NPIPB2: variants seen among roughly 807,000 people sequenced by gnomAD.
The protein encoded by NPIPB2 is nuclear pore complex-interacting protein family member B2.
NPIPB2 carries 27 observed loss-of-function variants against 30.8 expected under a neutral mutation model. The observed-to-expected ratio is 0.88, with a 90% confidence interval of 0.65 to 1.21. The LOEUF is 1.21. NPIPB2 is among the 50% of genes most tolerant of loss of function. NPIPB2 has a pLI of 0.00. For synonymous variants in NPIPB2, 147 were observed against 162.0 expected (o/e 0.91, Z 0.70); for missense variants, 440 against 446.2 (o/e 0.99, Z 0.13).
intron 1 of NPIPB2, among the ~76,000 whole-genome samples, chr16:11,972,701 C>T (rs772187554): frequency 1.3e-5 from 2 of 151,094 alleles, no homozygotes; most frequent in Non-Finnish European, 2.9e-5. Flanking sequence ...GGTGAAACCC[C>T]GTCTCTACTA....
chr16:11,974,796 GGGCGCGGTGGCTCACGCCTGTAATCC>G (rs1567482512), intron 1 of NPIPB2, among the ~76,000 whole-genome samples: 1 of 152,110 alleles, frequency 6.6e-6, no homozygotes, highest in Non-Finnish European at 1.5e-5. Flanking sequence ...ACAATGTGCA[GGGCGCGGTGGCTCACGCCTGTAATCC>G]CAGCATTTTG....
At chr16:11,936,581 CCCAGACAA>C (rs1328968907) in intron 2 of NPIPB2, among the ~76,000 whole-genome samples, 11 of 146,612 alleles carry the variant, frequency 7.5e-5, no homozygotes, top group Non-Finnish European at 1.5e-5. Context: ...AGGTTCAGCC[CCCAGACAA>C]CCACATTTTT....
At chr16:11,959,461 A>C (rs74925690) in intron 1 of NPIPB2, among the ~76,000 whole-genome samples, 5,295 of 152,056 alleles carry the variant, frequency 0.035, 125 homozygotes, top group South Asian at 0.075. Context: ...ATGGTGGCGT[A>C]CTATCGTAGT....
At chr16:11,943,242 C>T (rs1410216871), upstream of NPIPB2, among the ~76,000 whole-genome samples, 1 of 152,040 alleles carries the variant, frequency 6.6e-6, no homozygotes, top group Non-Finnish European at 1.5e-5. Context: ...TAGTTTGAAC[C>T]CGGGAGGCAG....
chr16:11,955,914 C>A (rs751322419), intron 1 of NPIPB2, among the ~76,000 whole-genome samples: 57 of 151,476 alleles, frequency 3.8e-4, no homozygotes, highest in Non-Finnish European at 6.0e-4. Flanking sequence ...CAGGAAAAAA[C>A]CGGTCACCCA....
At chr16:11,964,471 T>C (rs2055177951) in intron 1 of NPIPB2, among the ~76,000 whole-genome samples, 1 of 151,986 alleles carries the variant, frequency 6.6e-6, no homozygotes, top group Non-Finnish European at 1.5e-5. Flanking sequence ...TGGAGCGCAG[T>C]GGCCTGATCT....
chr16:11,943,598 A>T (rs2054968229), upstream of NPIPB2, among the ~76,000 whole-genome samples: 1 of 151,816 alleles, frequency 6.6e-6, no homozygotes, highest in Admixed American at 6.6e-5. Context: ...GCTACTCAGA[A>T]GGCTGAGGCA....
intron 4 of NPIPB2, among the ~76,000 whole-genome samples, chr16:11,933,222 A>G (rs1010435116): frequency 6.6e-6 from 1 of 151,862 alleles, no homozygotes; most frequent in African/African-American, 2.4e-5. Context: ...ATTGCACTAC[A>G]GCCTGGGCAA....
intron 1 of NPIPB2, among the ~76,000 whole-genome samples, chr16:11,960,479 C>G (rs1228717068): frequency 1.3e-5 from 2 of 151,206 alleles, no homozygotes; most frequent in East Asian, 3.9e-4. Flanking sequence ...GCCTCAGGCT[C>G]CCACGTAGCT....
chr16:11,946,156 C>T (rs1324410601), upstream of NPIPB2, among the ~76,000 whole-genome samples: 2 of 151,904 alleles, frequency 1.3e-5, no homozygotes, highest in Non-Finnish European at 2.9e-5. Flanking sequence ...GAGGCCAGAG[C>T]GGGCAGATCG....
chr16:11,968,560 T>C (rs2055214785), intron 1 of NPIPB2: 1 of 152,230 alleles, frequency 6.6e-6, no homozygotes, highest in Non-Finnish European at 1.5e-5. Context: ...TATGTGGTCC[T>C]TAAAAATTGT....
At chr16:11,943,223 G>A (rs1009518167), upstream of NPIPB2, among the ~76,000 whole-genome samples, 1 of 152,200 alleles carries the variant, frequency 6.6e-6, no homozygotes, top group Non-Finnish European at 1.5e-5. Context: ...GGAGGCTGAG[G>A]CAGGAGAATA....
chr16:11,952,196 A>G (rs1482360670), intron 1 of NPIPB2, among the ~76,000 whole-genome samples: 6 of 150,424 alleles, frequency 4.0e-5, no homozygotes, highest in African/African-American at 4.9e-5. Flanking sequence ...ACAAAGAAAA[A>G]AATTAGCTGG....
chr16:11,934,553 CAAAAAAAA>C (rs1184843851), intron 2 of NPIPB2, among the ~76,000 whole-genome samples: 2 of 73,020 alleles, frequency 2.7e-5, no homozygotes, highest in Admixed American at 1.7e-4. Flanking sequence ...AACTCTGTCT[CAAAAAAAA>C]AAAAAAAAAA....
At chr16:11,958,392 C>T (rs1298986312) in intron 1 of NPIPB2, among the ~76,000 whole-genome samples, 2 of 150,312 alleles carry the variant, frequency 1.3e-5, no homozygotes, top group Admixed American at 6.7e-5. Context: ...CACGCCACTA[C>T]AGTCCAGCCT....
intron 4 of NPIPB2, among the ~76,000 whole-genome samples, chr16:11,931,258 GGT>G (rs1175477059): frequency 7.7e-6 from 1 of 130,714 alleles, no homozygotes; most frequent in Non-Finnish European, 1.6e-5. Context: ...CATCCACCCT[GGT>G]GTTGACTGAC....
Position 11,967,029 on chromosome 16 carries a change from C to G in NPIPB2, c.-584+9539G>C, listed in dbSNP as rs754323127. 2.2e-4 allele frequency: 43 copies of G among 199,772 alleles called. 1 individual carries two copies. The highest frequency in any genetic ancestry group is 6.1e-5 in the Non-Finnish European group (6 of 97,704). 12.4% of individuals were successfully genotyped at this position (199,772 alleles called of 1,614,324 possible). A position where few individuals can be genotyped will look rare whatever the true frequency, so the allele number is the denominator to read the frequency against. On this transcript the variant is annotated intron_variant, in intron 1 of 5. Coordinates refer to the NPIPB2 transcript ENST00000538896. ...TTATTTATTTATTTAGAGATGGAGT[C>G]TCGCTCTGTGGCCCAGGCTGGAGTG...
At chr16:11,931,110 AC>A (rs1184398135) in intron 4 of NPIPB2, among the ~76,000 whole-genome samples, 1 of 152,126 alleles carries the variant, frequency 6.6e-6, no homozygotes, top group Non-Finnish European at 1.5e-5. Context: ...CAGGACTGGA[AC>A]TTTTGTCATC....
At chr16:11,975,703 G>A (rs1187090767) in intron 1 of NPIPB2, among the ~76,000 whole-genome samples, 2 of 151,870 alleles carry the variant, frequency 1.3e-5, no homozygotes, top group African/African-American at 2.4e-5. Context: ...CAATTCTCCT[G>A]TTTCAGCCTC....
Sources: allele counts gnomAD v4.1 joint callset (sites outside exome capture counted in the v4.1 genomes callset), GRCh38; gene constraint gnomAD v4.1.1; transcripts MANE v1.5; gene names NCBI Gene and HGNC (gene_info 2026-07-23, HGNC 2026-07-21).